Variants in DDAH1 observed in about 807,000 individuals in gnomAD.
DDAH1 encodes N(G),N(G)-dimethylarginine dimethylaminohydrolase 1.
Under a neutral mutation model 28.8 loss-of-function variants are expected in DDAH1, and 19 were observed. The ratio of observed to expected loss-of-function variants is 0.66; its 90% CI spans 0.46 to 0.97. DDAH1 has a LOEUF of 0.97. Ranked by LOEUF, DDAH1 falls within the 50% of genes least tolerant of loss-of-function variation. The pLI, the probability that DDAH1 is intolerant of heterozygous loss-of-function variation, is 0.00. For synonymous variants in DDAH1, 153 were observed against 154.4 expected, an observed-to-expected ratio of 0.99 and a Z score of 0.07; for missense variants, 326 against 375.9, an observed-to-expected ratio of 0.87 and a Z score of 1.10.
intron 2 of DDAH1, among the ~76,000 whole-genome samples, chr1:85,478,236 A>T (rs114296801): frequency 4.6e-5 from 7 of 152,228 alleles, no homozygotes; most frequent in African/African-American, 1.7e-4. Context: ...ATATCATAGG[A>T]TACATCTTTA....
At chr1:85,385,582 T>C (rs1363630807) in intron 1 of DDAH1, among the ~76,000 whole-genome samples, 2 of 152,222 alleles carry the variant, frequency 1.3e-5, no homozygotes, top group Non-Finnish European at 2.9e-5. Context: ...AAGTTTACTC[T>C]GCAGTTAGAG....
At chr1:85,377,713 C>T (rs1257502575) in intron 1 of DDAH1, among the ~76,000 whole-genome samples, 1 of 147,106 alleles carries the variant, frequency 6.8e-6, no homozygotes, top group Non-Finnish European at 1.5e-5. Context: ...CCCCCTCATC[C>T]CCCCACCCCC....
At position 85,464,714 on chromosome 1, in the gene DDAH1, C is replaced by G; in HGVS notation, c.303+29G>C. The G allele has an allele frequency of 6.9e-7, 1 of 1,448,814 alleles. No individual in the cohort carries two copies. The highest frequency in any genetic ancestry group is 1.5e-5 in the African/African-American group (1 of 68,226). 89.7% of individuals were successfully genotyped at this position (1,448,814 alleles called of 1,614,324 possible). A position where few individuals can be genotyped will look rare whatever the true frequency, so the allele number is the denominator to read the frequency against. ...GGCGGGGGAGGGCCTGGCGCGCGCC[C>G]CGGCCGCGCCCCTCGAGTCGGCAGT... On this transcript the variant is annotated intron_variant, in intron 1 of 5. Transcript: ENST00000284031. This position sits in a 1 kb window ranked among gnomAD's most constrained non-coding sequence, Gnocchi z 4.4.
intron 1 of DDAH1, among the ~76,000 whole-genome samples, chr1:85,504,517 A>G (rs1036264021): frequency 1.3e-5 from 2 of 152,244 alleles, no homozygotes; most frequent in African/African-American, 4.8e-5. Context: ...TTTGAATCAC[A>G]GTAGCATAAC....
At chr1:85,444,965 G>A (rs1425578954) in intron 1 of DDAH1, among the ~76,000 whole-genome samples, 1 of 152,168 alleles carries the variant, frequency 6.6e-6, no homozygotes, top group East Asian at 1.9e-4. Flanking sequence ...TCCTGTCCAA[G>A]TTCCAAAACT....
chr1:85,573,863 G>C (rs1291587961), intron 1 of DDAH1, among the ~76,000 whole-genome samples: 1 of 152,158 alleles, frequency 6.6e-6, no homozygotes, highest in Non-Finnish European at 1.5e-5. Flanking sequence ...CAATTAAATG[G>C]AGCCCAGGGT....
intron 2 of DDAH1, among the ~76,000 whole-genome samples, chr1:85,485,752 A>G (rs1656183531): frequency 6.6e-6 from 1 of 152,196 alleles, no homozygotes; most frequent in African/African-American, 2.4e-5. Context: ...GGACAATTAA[A>G]GTCAATGGAC....
chr1:85,514,522 A>AG (rs1657376056), intron 1 of DDAH1, among the ~76,000 whole-genome samples: 1 of 50,332 alleles, frequency 2.0e-5, no homozygotes, highest in African/African-American at 7.3e-5. Flanking sequence ...TAGAACTTAA[A>AG]GCATTAAAAA....
chr1:85,371,105 G>GTAGC (rs1318294181), intron 1 of DDAH1, among the ~76,000 whole-genome samples: 2 of 152,144 alleles, frequency 1.3e-5, no homozygotes, highest in Non-Finnish European at 2.9e-5. Flanking sequence ...GCGAAGTTTG[G>GTAGC]TAGCTGTTTG....
At chr1:85,324,272 A>AAAT (rs71075831) in intron 5 of DDAH1, among the ~76,000 whole-genome samples, 5,172 of 142,232 alleles carry the variant, frequency 0.036, 145 homozygotes, top group East Asian at 0.13. Flanking sequence ...CCTGTCTCAA[A>AAAT]AATAATAATA....
At chr1:85,550,078 G>A (rs564104870) in intron 1 of DDAH1, among the ~76,000 whole-genome samples, 25 of 152,238 alleles carry the variant, frequency 1.6e-4, no homozygotes, top group African/African-American at 5.8e-4. Flanking sequence ...GTGTTCCTGG[G>A]AAATTGCAAG....
chr1:85,545,939 G>A (rs538220391), intron 1 of DDAH1, among the ~76,000 whole-genome samples: 2 of 152,132 alleles, frequency 1.3e-5, no homozygotes, highest in South Asian at 4.1e-4. Flanking sequence ...ATGTGACTTT[G>A]GATAAAGCAC....
chr1:85,558,780 T>G (rs1293175110), intron 1 of DDAH1, among the ~76,000 whole-genome samples: 2 of 152,214 alleles, frequency 1.3e-5, no homozygotes, highest in African/African-American at 2.4e-5. Flanking sequence ...AGATAAATGC[T>G]ATTACCAAAG....
At chr1:85,574,948 A>G (rs949878314) in intron 1 of DDAH1, among the ~76,000 whole-genome samples, 7 of 152,010 alleles carry the variant, frequency 4.6e-5, no homozygotes, top group Middle Eastern at 3.2e-3. Flanking sequence ...CGGGTTAAAA[A>G]CAGACGGGGA....
At chr1:85,381,244 G>C (rs890651031) in intron 1 of DDAH1, among the ~76,000 whole-genome samples, 1 of 137,972 alleles carries the variant, frequency 7.2e-6, no homozygotes, top group African/African-American at 2.6e-5. Flanking sequence ...AAAAAAAAAA[G>C]ATATATTCTT....
At position 85,559,609 on chromosome 1, in the gene DDAH1, A is replaced by G. The variant is rs78425393; in HGVS notation, c.-123+18375T>C. On this transcript the variant is annotated intron_variant, in intron 1 of 6. Transcript: ENST00000426972. ...GCTATGTACTAGTATTTAAAGTAAA[A>G]CATAATGTGATGAGAAGTGAAAATC... 8.6e-3 allele frequency among the ~76,000 whole-genome samples: 1,305 copies of G among 152,302 alleles called. 21 individuals are homozygous for G. Among genetic ancestry groups the G allele is most frequent in the East Asian group, 0.055 (285 of 5,186 alleles).
intron 1 of DDAH1, among the ~76,000 whole-genome samples, chr1:85,455,027 G>A (rs981230516): frequency 1.3e-5 from 2 of 152,166 alleles, no homozygotes; most frequent in Non-Finnish European, 2.9e-5. Context: ...CAGGGTCCCT[G>A]ACAGAGAACT....
intron 1 of DDAH1, among the ~76,000 whole-genome samples, chr1:85,554,246 C>T (rs542696617): frequency 7.1e-5 from 10 of 140,804 alleles, no homozygotes; most frequent in African/African-American, 1.3e-4. Flanking sequence ...TACAGGCCCT[C>T]GTAGTTTTCC....
intron 4 of DDAH1, among the ~76,000 whole-genome samples, chr1:85,331,627 T>C (rs1054706820): frequency 9.2e-5 from 14 of 152,164 alleles, no homozygotes; most frequent in Non-Finnish European, 1.9e-4. Flanking sequence ...CATCAAGCCC[T>C]GGAGGTCTTT....
Sources: gnomAD v4.1 joint callset for allele counts (sites outside exome capture counted in the v4.1 genomes callset) on GRCh38, gnomAD v4.1.1 for gene constraint, Gnocchi (gnomAD v3.1) non-coding constraint, MANE v1.5 for transcripts, NCBI Gene and HGNC (gene_info 2026-07-23, HGNC 2026-07-21) for gene names.